Variants in XDH observed in about 807,000 individuals in gnomAD.
The protein encoded by XDH is xanthine dehydrogenase.
A neutral mutation model predicts 156.1 loss-of-function variants in XDH; 138 were observed. That is an observed-to-expected ratio of 0.88 (90% confidence interval 0.77 to 1.02). XDH has a LOEUF of 1.02. XDH is among the 50% of genes least tolerant of loss of function. XDH has a pLI of 0.00. For synonymous variants in XDH, 669 were observed against 625.7 expected (o/e 1.07, Z -1.03); for missense variants, 1,849 against 1,684.9 (o/e 1.10, Z -1.71).
At chr2:31,371,363 TAGTTTTTCCAAAGTCACTA>T (rs1449782781) in intron 17 of XDH, among the ~76,000 whole-genome samples, 1 of 152,188 alleles carries the variant, frequency 6.6e-6, no homozygotes, top group Non-Finnish European at 1.5e-5. Context: ...GGAAGTTAGG[TAGTTTTTCCAAAGTCACTA>T]AGCCAGAAAG....
At chr2:31,391,840 A>G (rs1686773030) in intron 6 of XDH, among the ~76,000 whole-genome samples, 2 of 152,224 alleles carry the variant, frequency 1.3e-5, no homozygotes, top group Admixed American at 6.5e-5. Flanking sequence ...TAACTTTTGT[A>G]TTGCCTCTGA....
At chr2:31,373,614 T>C (rs1686140919) in intron 16 of XDH, among the ~76,000 whole-genome samples, 1 of 144,934 alleles carries the variant, frequency 6.9e-6, no homozygotes. Context: ...ATCCATCACG[T>C]AAAAAAAAAA....
chr2:31,395,160 G>T (rs1686868759), intron 6 of XDH, among the ~76,000 whole-genome samples: 1 of 151,790 alleles, frequency 6.6e-6, no homozygotes. Flanking sequence ...TTTAGTTAAT[G>T]TATTGGTAAG....
chr2:31,349,790 G>A lies in XDH; in HGVS notation c.2865C>T (p.His955=), dbSNP rs1172620702. ...KNLYKEGDLT[H]FNQKLEGFTL... is the part of the protein sequence containing the mutation. ...TGAAACCCTCAAGCTTCTGGTTGAA[G>A]TGTGTCAGGTCCCCTTCTTTGTACA... The change falls in exon 26 of 36, where the codon CAC becomes CAT. Residue 955 remains histidine, a synonymous_variant. Coordinates refer to ENST00000379416, the MANE Select transcript of XDH (RefSeq NM_000379.4). 1.3e-5 allele frequency: 21 copies of A among 1,614,034 alleles called. No homozygotes were observed. The highest frequency in any genetic ancestry group is 1.8e-5 in the Non-Finnish European group (21 of 1,180,040).
intron 34 of XDH, among the ~76,000 whole-genome samples, chr2:31,338,182 G>A (rs1032032358): frequency 6.6e-6 from 1 of 152,116 alleles, no homozygotes; most frequent in Admixed American, 6.5e-5. Flanking sequence ...CTAGCCGAGG[G>A]GAAGAGTCTA....
At chr2:31,377,987 C>T (rs1289386150) in intron 13 of XDH, among the ~76,000 whole-genome samples, 2 of 150,044 alleles carry the variant, frequency 1.3e-5, no homozygotes, top group African/African-American at 4.9e-5. Flanking sequence ...TGCCACCACA[C>T]TCCAGCCTGG....
chr2:31,342,944 T>C (rs1340457223), intron 31 of XDH, among the ~76,000 whole-genome samples: 1 of 152,196 alleles, frequency 6.6e-6, no homozygotes, highest in Non-Finnish European at 1.5e-5. Context: ...TAAATATATG[T>C]GTATATCTAT....
Position 31,363,034 on chromosome 2 carries a change from G to A in XDH, c.2631+1124C>T, listed in dbSNP as rs898533082. On this transcript the variant is annotated intron_variant, in intron 24 of 35. Transcript: ENST00000379416. ...ATACATGCTATAATATAGATGGGCC[G>A]GATGCAGTGGTTCACGCCTGTAATC... Among the ~76,000 whole-genome samples the A allele has an allele frequency of 5.9e-5, 9 of 152,156 alleles. No homozygotes were observed. In the South Asian group the frequency reaches 8.3e-4, roughly 14 times the overall value.
In XDH at chr2:31,381,612, C is replaced by T. The variant is rs746485263; in HGVS notation, c.1132+21G>A. 5.6e-6 allele frequency: 9 copies of T among 1,613,042 alleles called. No individual in the cohort carries two copies. In the East Asian group the frequency reaches 2.0e-4, roughly 36 times the overall value. On this transcript the variant is annotated intron_variant, in intron 12 of 35. Coordinates refer to ENST00000379416, the MANE Select transcript of XDH (RefSeq NM_000379.4). ...TCTCCCCCAAGTCCTTCTTCCTGGA[C>T]CTCTGCTTCAGGCAGCTCACCTCTG... is the stretch of plus-strand genomic sequence containing the variant.
intron 24 of XDH, among the ~76,000 whole-genome samples, chr2:31,363,067 T>C (rs1302785418): frequency 6.6e-6 from 1 of 152,160 alleles, no homozygotes; most frequent in East Asian, 1.9e-4. Context: ...ATCCCAGCAC[T>C]TTGGGAGGCT....
Position 31,343,310 on chromosome 2 carries a change from A to ATATATATGCATGTT in XDH, c.3405-1014_3405-1013insAACATGCATATATA, listed in dbSNP as rs1553411677. Among the ~76,000 whole-genome samples, 73 of 102,224 alleles carry ATATATATGCATGTT rather than the reference A, an allele frequency of 7.1e-4. 2 individuals are homozygous for ATATATATGCATGTT. Among genetic ancestry groups the ATATATATGCATGTT allele is most frequent in the African/African-American group, 2.4e-3 (53 of 21,776 alleles). The allele number at this position is 102,224 out of a possible 152,430, so 67.1% of individuals were successfully genotyped here. On this transcript the variant is annotated intron_variant, in intron 31 of 35. Coordinates refer to ENST00000379416, the MANE Select transcript of XDH (RefSeq NM_000379.4). ...CATATATATATATATATATATATAT[A>ATATATATGCATGTT]TATATATATATATATATGCATGTTT...
intron 6 of XDH, 28 bp downstream of exon 6, chr2:31,397,640 A>T: frequency 1.9e-6 from 3 of 1,613,996 alleles, no homozygotes; most frequent in Non-Finnish European, 2.5e-6. Context: ...AGAAGCAGAG[A>T]CACTGATGTT....
chr2:31,395,926 A>G (rs1238403044), intron 6 of XDH, among the ~76,000 whole-genome samples: 1 of 152,106 alleles, frequency 6.6e-6, no homozygotes, highest in African/African-American at 2.4e-5. Context: ...TGGTTCCTCC[A>G]TTTCTTTCCT....
chr2:31,348,054 C>A lies in XDH; in HGVS notation c.3147+214G>T, dbSNP rs541434209. ...CACACACTGAGAATGTTGGTAATAGCAATGTCCTCAGAGGTCACCTGGCCA... is the reference window on the plus strand; with the variant it reads ...CACACACTGAGAATGTTGGTAATAGAAATGTCCTCAGAGGTCACCTGGCCA... On this transcript the variant is annotated intron_variant, in intron 28 of 35. Transcript: ENST00000379416. Among the ~76,000 whole-genome samples, 3 of 152,222 alleles carry A rather than the reference C, an allele frequency of 2.0e-5. No homozygotes were observed. In the East Asian group the frequency reaches 5.8e-4, roughly 29 times the overall value.
chr2:31,368,255 G>T (rs994033432), intron 19 of XDH, among the ~76,000 whole-genome samples, 198 bp from the exon 20 acceptor site: 2 of 152,178 alleles, frequency 1.3e-5, no homozygotes, highest in Non-Finnish European at 1.5e-5. Flanking sequence ...TCAGCTGTAG[G>T]TGGACAACCC....
chr2:31,348,878 A>T (rs773277213), intron 27 of XDH, 21 bp downstream of exon 27: 1 of 1,605,380 alleles, frequency 6.2e-7, no homozygotes, highest in Middle Eastern at 1.7e-4. Flanking sequence ...GGAGATGGAC[A>T]CAATTCTATA....
At chr2:31,414,392 C>T (rs546055612) in intron 1 of XDH, among the ~76,000 whole-genome samples, 1 of 151,870 alleles carries the variant, frequency 6.6e-6, no homozygotes, top group African/African-American at 2.4e-5. Flanking sequence ...TCTCTGCTTG[C>T]CTCTCTCTCC....
In XDH at chr2:31,378,187, C is replaced by G. The variant is rs76121321; in HGVS notation, c.1243-950G>C. Among the ~76,000 whole-genome samples the G allele has an allele frequency of 6.4e-3, 586 of 91,248 alleles. 34 individuals are homozygous for G. The highest frequency in any genetic ancestry group is 7.0e-3 in the Non-Finnish European group (293 of 42,062). The allele number at this position is 91,248 out of a possible 152,430, so 59.9% of individuals were successfully genotyped here. On this transcript the variant is annotated intron_variant, in intron 13 of 35. Coordinates refer to ENST00000379416, the MANE Select transcript of XDH (RefSeq NM_000379.4). ...GGAAGGAAGGAAGGAAGCAAGCAAGCAAGCAAAGCAAGAAAGCAAGCAAGA... is the reference window on the plus strand; with the variant it reads ...GGAAGGAAGGAAGGAAGCAAGCAAGGAAGCAAAGCAAGAAAGCAAGCAAGA...
At chr2:31,413,291 A>T (rs1167485056) in intron 1 of XDH, among the ~76,000 whole-genome samples, 1 of 152,218 alleles carries the variant, frequency 6.6e-6, no homozygotes, top group Non-Finnish European at 1.5e-5. Flanking sequence ...TCTACAATGT[A>T]ATTGCTGAAG....
Sources: allele counts gnomAD v4.1 joint callset (sites outside exome capture counted in the v4.1 genomes callset), GRCh38; gene constraint gnomAD v4.1.1; transcripts MANE v1.5; gene names NCBI Gene and HGNC (gene_info 2026-07-23, HGNC 2026-07-21).